Variants in SLC4A7 observed in about 807,000 individuals in gnomAD.
SLC4A7 encodes sodium bicarbonate cotransporter 3.
A neutral mutation model predicts 137.6 loss-of-function variants in SLC4A7; 51 were observed. That is an observed-to-expected ratio of 0.37 (90% CI 0.30 to 0.47). The LOEUF is 0.47. SLC4A7 is among the 20% of genes least tolerant of loss of function. The pLI, the probability that SLC4A7 is intolerant of heterozygous loss-of-function variation, is 1.00. For missense variants in SLC4A7, 1,247 were observed against 1,525.4 expected, an observed-to-expected ratio of 0.82 and a Z score of 3.04; for synonymous variants, 542 against 518.6, an observed-to-expected ratio of 1.05 and a Z score of -0.61.
At position 27,449,062 on chromosome 3, in the gene SLC4A7, GT is replaced by G. The variant is rs2057883064; in HGVS notation, c.143-266del. The stretch of plus-strand genomic sequence containing the variant: ...AAAAAGATATCTTTTTTTTTGTTTT[GT>G]TTTTGTTTTTGTATTTTTAGTAGAG... On this transcript the variant is annotated intron_variant, in intron 2 of 25. Transcript: ENST00000454389. Among the ~76,000 whole-genome samples, 8 of 150,610 alleles carry G rather than the reference GT, an allele frequency of 5.3e-5. No individual in the cohort carries two copies. In the South Asian group the frequency reaches 1.0e-3, roughly 20 times the overall value.
chr3:27,476,978 C>G (rs1213015203), intron 1 of SLC4A7, among the ~76,000 whole-genome samples: 2 of 152,174 alleles, frequency 1.3e-5, no homozygotes, highest in African/African-American at 4.8e-5. Context: ...ACTCTATCCC[C>G]AGCCATCAGG....
chr3:27,438,158 C>T lies in SLC4A7; in HGVS notation c.290-632G>A, dbSNP rs112014088. ...ATTGCAGTGAGCTGAGATTGTGCCA[C>T]TGCACTCCAGCCTAGGCGACAGAGA... On this transcript the variant is annotated intron_variant, in intron 3 of 25. Transcript: ENST00000454389. 8.0e-4 allele frequency among the ~76,000 whole-genome samples: 117 copies of T among 146,778 alleles called. 1 individual carries two copies. The highest frequency in any genetic ancestry group is 2.3e-3 in the African/African-American group (90 of 39,526).
In SLC4A7 at chr3:27,419,178, T is replaced by C. The variant is rs374020998; in HGVS notation, c.1513-546A>G. On this transcript the variant is annotated intron_variant, in intron 10 of 25. Coordinates refer to ENST00000454389, the MANE Select transcript of SLC4A7 (RefSeq NM_001321103.2). ...TGAAACGCGTTATTAAATAAATAAA[T>C]AATTATAGGTATTGATAGACGCTCT... Among the ~76,000 whole-genome samples the C allele has an allele frequency of 1.6e-4, 24 of 152,062 alleles. No individual in the cohort carries two copies. The South Asian group carries it at 4.8e-3, about 30-fold the overall frequency.
rs1256389117 is a variant in SLC4A7, at chr3:27,447,640, C to G, written c.289+1011G>C. Among the ~76,000 whole-genome samples the G allele has an allele frequency of 8.0e-5, 8 of 99,728 alleles. No individual in the cohort carries two copies. The East Asian group carries it at 2.6e-3, about 32-fold the overall frequency. The allele number at this position is 99,728 out of a possible 152,430, so 65.4% of individuals were successfully genotyped here. A position where few individuals can be genotyped will look rare whatever the true frequency, so the allele number is the denominator to read the frequency against. ...AGAATCCTCCTCAGGTTTTACAGCCCTTTTTTTTTTTTTTTTTTTTTTTGG... is the reference window on the plus strand; with the variant it reads ...AGAATCCTCCTCAGGTTTTACAGCCGTTTTTTTTTTTTTTTTTTTTTTTGG... On this transcript the variant is annotated intron_variant, in intron 3 of 25. Coordinates refer to ENST00000454389, the MANE Select transcript of SLC4A7 (RefSeq NM_001321103.2).
At chr3:27,459,146 T>G (rs922481490) in intron 1 of SLC4A7, among the ~76,000 whole-genome samples, 2 of 152,030 alleles carry the variant, frequency 1.3e-5, no homozygotes, top group Admixed American at 1.3e-4. Flanking sequence ...ATAAAAACCA[T>G]AAGCATAGGG....
intron 2 of SLC4A7, among the ~76,000 whole-genome samples, chr3:27,449,869 A>G (rs1448723956): frequency 1.3e-5 from 2 of 152,242 alleles, no homozygotes; most frequent in South Asian, 2.1e-4. Context: ...TGCTCAGAAA[A>G]TAAGTATTTC....
In SLC4A7 at chr3:27,417,982, C is replaced by G. The variant is rs148095549; in HGVS notation, c.1659+504G>C. Among the ~76,000 whole-genome samples, 153 of 152,106 alleles carry G rather than the reference C, an allele frequency of 1.0e-3. 2 individuals are homozygous for G. The highest frequency in any genetic ancestry group is 3.9e-3 in the East Asian group (20 of 5,170). On this transcript the variant is annotated intron_variant, in intron 11 of 25. Coordinates refer to ENST00000454389, the MANE Select transcript of SLC4A7 (RefSeq NM_001321103.2). The stretch of plus-strand genomic sequence containing the variant: ...TAAATTCCCCTTTGACCCAGCAATC[C>G]TATTACTGGGGATCTATTCTACAGA...
intron 3 of SLC4A7, among the ~76,000 whole-genome samples, chr3:27,448,137 T>C (rs1010247549): frequency 1.4e-5 from 2 of 146,368 alleles, no homozygotes. Context: ...GCTTGAACCC[T>C]GGAGGCAGAC....
Position 27,389,939 on chromosome 3 carries a change from G to GAA in SLC4A7, c.3350_3351dup (p.Pro1118PhefsTer3). ...GTCTGAAGAAATCTTACCATCATGG[G>GAA]AAAAACCACTGCAGCAGCTGAAACT... On this transcript the variant is annotated frameshift_variant, in exon 22 of 26. Transcript: ENST00000454389. LOFTEE classifies it high-confidence loss of function. The GAA allele has an allele frequency of 1.2e-6, 2 of 1,612,490 alleles. No individual in the cohort carries two copies. Among genetic ancestry groups the GAA allele is most frequent in the Non-Finnish European group, 1.7e-6 (2 of 1,179,070 alleles).
In SLC4A7 at chr3:27,396,910, C is replaced by T. The variant is rs189145829; in HGVS notation, c.2703+774G>A. On this transcript the variant is annotated intron_variant, in intron 18 of 25. Transcript: ENST00000454389. ...ATCATTTTTCTTATAGAACACACTT[C>T]GTTTTCTCCTTATGCTACTGGAAAT... is the stretch of plus-strand genomic sequence containing the variant. 1.2e-3 allele frequency among the ~76,000 whole-genome samples: 177 copies of T among 152,270 alleles called. 1 individual carries two copies. The highest frequency in any genetic ancestry group is 3.6e-3 in the African/African-American group (148 of 41,546).
chr3:27,408,156 G>C (rs1035981474), intron 13 of SLC4A7, among the ~76,000 whole-genome samples: 2 of 151,858 alleles, frequency 1.3e-5, no homozygotes, highest in Non-Finnish European at 2.9e-5. Flanking sequence ...TTTTCACTTA[G>C]AATCCTTGAG....
chr3:27,442,440 TC>T (rs1336725055), intron 3 of SLC4A7, among the ~76,000 whole-genome samples: 20 of 122,744 alleles, frequency 1.6e-4, no homozygotes, highest in East Asian at 3.0e-4. Flanking sequence ...CAGCTCATTT[TC>T]TTTTTTTTTT....
At chr3:27,383,654 G>T (rs1173304986) in intron 23 of SLC4A7, among the ~76,000 whole-genome samples, 1 of 152,114 alleles carries the variant, frequency 6.6e-6, no homozygotes, top group Non-Finnish European at 1.5e-5. Flanking sequence ...GACATTTAGG[G>T]TATAATATTT....
At chr3:27,424,994 C>T (rs965660376) in intron 7 of SLC4A7, among the ~76,000 whole-genome samples, 4 of 152,134 alleles carry the variant, frequency 2.6e-5, no homozygotes, top group East Asian at 1.9e-4. Context: ...ACCAACATTT[C>T]GCAATAATAA....
At chr3:27,466,400 C>T (rs1366462951) in intron 1 of SLC4A7, among the ~76,000 whole-genome samples, 3 of 148,130 alleles carry the variant, frequency 2.0e-5, no homozygotes, top group Non-Finnish European at 3.0e-5. Context: ...TGCAGTGAGC[C>T]GAGATCGCGC....
chr3:27,426,886 CAA>C (rs72167120), intron 7 of SLC4A7, among the ~76,000 whole-genome samples: 27,466 of 151,736 alleles, frequency 0.18, 2,888 homozygotes, highest in Non-Finnish European at 0.25. Flanking sequence ...GAGCAAATTA[CAA>C]AAAAATAAAG....
intron 1 of SLC4A7, among the ~76,000 whole-genome samples, chr3:27,483,330 C>A (rs1041144820): frequency 3.9e-5 from 6 of 152,250 alleles, no homozygotes; most frequent in Non-Finnish European, 8.8e-5. Flanking sequence ...CAGTAGGAAA[C>A]GCGATCTTGC....
At chr3:27,464,306 G>A (rs1320352054) in intron 1 of SLC4A7, among the ~76,000 whole-genome samples, 1 of 152,222 alleles carries the variant, frequency 6.6e-6, no homozygotes, top group Non-Finnish European at 1.5e-5. Flanking sequence ...CGAAGATCAT[G>A]TTTCTCTAGA....
intron 24 of SLC4A7, among the ~76,000 whole-genome samples, chr3:27,382,143 T>C (rs1341113300): frequency 6.6e-6 from 1 of 151,994 alleles, no homozygotes; most frequent in Non-Finnish European, 1.5e-5. Flanking sequence ...TTTTTGAGAC[T>C]GAGTCTTGCT....
Sources: gnomAD v4.1 joint callset for allele counts (sites outside exome capture counted in the v4.1 genomes callset) on GRCh38, gnomAD v4.1.1 for gene constraint, MANE v1.5 for transcripts, NCBI Gene and HGNC (gene_info 2026-07-23, HGNC 2026-07-21) for gene names.